Variants in HHIPL2 observed in about 807,000 individuals in gnomAD.
The protein encoded by HHIPL2 is HHIP like 2.
A neutral mutation model predicts 61.0 loss-of-function variants in HHIPL2; 61 were observed. That is an observed-to-expected ratio of 1.00 (90% confidence interval 0.81 to 1.24). The LOEUF (loss-of-function observed/expected upper bound fraction) is 1.24, where lower values mean the gene tolerates loss of function less well. HHIPL2 is among the 50% of genes most tolerant of loss of function. The pLI is 0.00. For synonymous variants in HHIPL2, 343 were observed against 357.4 expected (o/e 0.96, Z 0.45); for missense variants, 885 against 910.2 (o/e 0.97, Z 0.36).
Position 222,522,588 on chromosome 1 carries a change from C to T in HHIPL2, c.*13G>A, listed in dbSNP as rs1342251228. On this transcript the variant is annotated 3_prime_UTR_variant, in exon 9 of 9. Coordinates refer to ENST00000343410, the MANE Select transcript of HHIPL2 (RefSeq NM_024746.4). The stretch of plus-strand genomic sequence containing the variant: ...TCTCTCACGTCACCCTGTCGGCCAC[C>T]TTGACCAATAGGTCAAGGGAGACTT... 6.2e-7 allele frequency: 1 copy of T among 1,608,850 alleles called. No individual in the cohort carries two copies. Among genetic ancestry groups the T allele is most frequent in the Non-Finnish European group, 8.5e-7 (1 of 1,179,162 alleles).
rs958193922 is a variant in HHIPL2, at chr1:222,529,274, A to G, written c.1724-2224T>C. Among the ~76,000 whole-genome samples the G allele has an allele frequency of 8.5e-5, 13 of 152,264 alleles. No homozygotes were observed. In the South Asian group the frequency reaches 2.7e-3, roughly 32 times the overall value. On this transcript the variant is annotated intron_variant, in intron 6 of 8. Transcript: ENST00000343410. ...ACAAACTAGATGTATAATCTTCCCCATGTAAGAGATCTGATGAACTAGGGC... is the reference window on the plus strand; with the variant it reads ...ACAAACTAGATGTATAATCTTCCCCGTGTAAGAGATCTGATGAACTAGGGC...
intron 6 of HHIPL2, among the ~76,000 whole-genome samples, chr1:222,529,623 C>CA (rs894671556): frequency 2.6e-5 from 4 of 152,096 alleles, no homozygotes; most frequent in African/African-American, 4.8e-5. Context: ...GGGAGAAAAA[C>CA]AAAAAAACTA....
chr1:222,529,049 T>A (rs1357174586), intron 6 of HHIPL2, among the ~76,000 whole-genome samples: 1 of 152,104 alleles, frequency 6.6e-6, no homozygotes, highest in Non-Finnish European at 1.5e-5. Flanking sequence ...CTCAAACTCC[T>A]GCACTCAAGC....
intron 2 of HHIPL2, among the ~76,000 whole-genome samples, chr1:222,542,528 C>CTTTTTTTTT (rs772394115): frequency 9.3e-5 from 9 of 97,178 alleles, no homozygotes; most frequent in East Asian, 3.7e-4. Flanking sequence ...CCACATCTGG[C>CTTTTTTTTT]TTTTTTTTTT....
rs35644784 is a variant in HHIPL2, at chr1:222,539,632, A to G, written c.1450+378T>C. On this transcript the variant is annotated intron_variant, in intron 4 of 8. Coordinates refer to ENST00000343410, the MANE Select transcript of HHIPL2 (RefSeq NM_024746.4). The stretch of plus-strand genomic sequence containing the variant: ...GAATATCATTTCAGTGGCCTGTCCC[A>G]GTTGGGAAATAAATAAAAACATACA... Among the ~76,000 whole-genome samples, 868 of 152,132 alleles carry G rather than the reference A, an allele frequency of 5.7e-3. 3 individuals carry two copies. The highest frequency in any genetic ancestry group is 7.4e-3 in the Non-Finnish European group (505 of 67,996).
chr1:222,546,882 G>A (rs938218022), intron 1 of HHIPL2, among the ~76,000 whole-genome samples: 1 of 152,244 alleles, frequency 6.6e-6, no homozygotes, highest in Non-Finnish European at 1.5e-5. Context: ...CCAAGTCATT[G>A]TGCTGACAAG....
chr1:222,538,754 C>G lies in HHIPL2; in HGVS notation c.1471G>C (p.Ala491Pro). ...ASLDDVLPIY[A>P]YGHAVGKSVT... ...GACTTCCCCACTGCATGGCCATAAG[C>G]ATAGATTGGCAGAACATCATCTGTC... The change falls in exon 5 of 9, where the codon GCT (alanine) becomes CCT (proline). Residue 491 changes from alanine (A) to proline (P), a missense_variant. Coordinates refer to ENST00000343410, the MANE Select transcript of HHIPL2 (RefSeq NM_024746.4). 1 of 1,614,128 alleles carries G rather than the reference C, an allele frequency of 6.2e-7. No individual in the cohort carries two copies. The highest frequency in any genetic ancestry group is 1.1e-5 in the South Asian group (1 of 91,070).
rs774713579 is a variant in HHIPL2, at chr1:222,547,974, A to G, written c.71T>C (p.Ile24Thr). 3.7e-6 allele frequency: 6 copies of G among 1,610,394 alleles called. No individual in the cohort carries two copies. The East Asian group carries it at 1.3e-4, about 36-fold the overall frequency. Residue 24 changes from isoleucine to threonine, a missense_variant, in exon 1 of 9, where the codon ATT becomes ACT. Physicochemically the swap from Ile to Thr is moderately conservative, Grantham distance 89. Transcript: ENST00000343410. ...CAAGAATATGAGGCAGAGGCAGAGA[A>G]TGCCAGAAGAGAGCCAGGGGGCCCG... The part of the protein sequence containing the change: ...HCRAPWLSSG[I>T]LCLCLIFLLG...
In HHIPL2 at chr1:222,522,688, C is replaced by T; in HGVS notation, c.2088G>A (p.Gln696=). Residue 696 remains glutamine (Q), a synonymous_variant, in exon 9 of 9, where the codon CAG becomes CAA. Coordinates refer to ENST00000343410, the MANE Select transcript of HHIPL2 (RefSeq NM_024746.4). The part of the protein sequence containing the change: ...KKARVGPHVR[Q]GKRRKSLKSH... ...TTTTCAGGCTCTTCCTCCTCTTGCC[C>T]TGGCGGACGTGGGGCCCCACTCTGG... 6.2e-7 allele frequency: 1 copy of T among 1,614,220 alleles called. No individual in the cohort carries two copies. Among genetic ancestry groups the T allele is most frequent in the Non-Finnish European group, 8.5e-7 (1 of 1,180,036 alleles).
At position 222,522,785 on chromosome 1, in the gene HHIPL2, C is replaced by T. The variant is rs1658982028; in HGVS notation, c.1991G>A (p.Gly664Asp). ...AGGAGAAGCCAGCTTCTTGGAGGAG[C>T]CTTTCTCAGACAAACCCTGGGCTGG... ...SGPAQGLSEK[G>D]SSKKLASPTS... is the part of the protein sequence containing the mutation. Residue 664 changes from glycine to aspartate, a missense_variant, in exon 9 of 9, where the codon GGC becomes GAC. Gly to Asp is a moderately conservative substitution (Grantham distance 94, BLOSUM62 -1). Transcript: ENST00000343410. 6 of 1,614,186 alleles carry T rather than the reference C, an allele frequency of 3.7e-6. No homozygotes were observed. Among genetic ancestry groups the T allele is most frequent in the Non-Finnish European group, 5.1e-6 (6 of 1,180,030 alleles).
At chr1:222,546,173 C>A (rs1033410474) in intron 1 of HHIPL2, among the ~76,000 whole-genome samples, 2 of 152,250 alleles carry the variant, frequency 1.3e-5, no homozygotes, top group Non-Finnish European at 2.9e-5. Context: ...CAAAGTCTCT[C>A]TTCCAATGGA....
At chr1:222,535,858 A>T (rs200115560) in intron 5 of HHIPL2, among the ~76,000 whole-genome samples, 1 of 152,200 alleles carries the variant, frequency 6.6e-6, no homozygotes, top group African/African-American at 2.4e-5. Flanking sequence ...TCTCTGGAAA[A>T]TCTTCAGGTA....
At chr1:222,532,989 G>T (rs17163177) in intron 5 of HHIPL2, among the ~76,000 whole-genome samples, 1 of 152,020 alleles carries the variant, frequency 6.6e-6, no homozygotes, top group Non-Finnish European at 1.5e-5. Context: ...GACCCTGGGT[G>T]CTCATCAGAA....
chr1:222,529,415 A>G (rs949999487), intron 6 of HHIPL2, among the ~76,000 whole-genome samples: 14 of 152,190 alleles, frequency 9.2e-5, no homozygotes, highest in Admixed American at 7.9e-4. Flanking sequence ...GTACACAGGC[A>G]GGGGCCCCTC....
intron 5 of HHIPL2, among the ~76,000 whole-genome samples, chr1:222,532,940 A>G (rs1659223311): frequency 6.6e-6 from 1 of 152,236 alleles, no homozygotes; most frequent in African/African-American, 2.4e-5. Context: ...TCTGAACTAA[A>G]AGCAGGTTTT....
At chr1:222,542,281 G>T in intron 2 of HHIPL2, 126 bp from the exon 3 acceptor site, 1 of 1,044,460 alleles carries the variant, frequency 9.6e-7, no homozygotes, top group Non-Finnish European at 1.4e-6. Flanking sequence ...ACCTGCTTCT[G>T]AGTTTTTAAG....
intron 7 of HHIPL2, chr1:222,523,959 C>T: frequency 4.3e-6 from 2 of 463,322 alleles, no homozygotes; most frequent in Non-Finnish European, 3.9e-6. Flanking sequence ...AACGGGTTCA[C>T]ATCCTGGTAA....
At chr1:222,528,598 G>A (rs969927024) in intron 6 of HHIPL2, among the ~76,000 whole-genome samples, 7 of 151,772 alleles carry the variant, frequency 4.6e-5, no homozygotes, top group Non-Finnish European at 8.8e-5. Flanking sequence ...GCAACAGAGC[G>A]AGACTCCGTC....
At chr1:222,546,315 T>C (rs1282486245) in intron 1 of HHIPL2, among the ~76,000 whole-genome samples, 1 of 152,184 alleles carries the variant, frequency 6.6e-6, no homozygotes, top group Non-Finnish European at 1.5e-5. Context: ...CCCAGGATTG[T>C]TTTACCTTGG....
Sources: allele counts gnomAD v4.1 joint callset (sites outside exome capture counted in the v4.1 genomes callset), GRCh38; gene constraint gnomAD v4.1.1; transcripts MANE v1.5; gene names NCBI Gene and HGNC (gene_info 2026-07-23, HGNC 2026-07-21).